The following PACC1 variants were observed in gnomAD, a reference collection of about 807,000 sequenced individuals.
PACC1 encodes proton-activated chloride channel.
A neutral mutation model predicts 39.7 loss-of-function variants in PACC1; 34 were observed. That is an observed-to-expected ratio of 0.86 (90% CI 0.65 to 1.14). PACC1 has a LOEUF of 1.14. Among genes scored for constraint, PACC1 ranks in the 50% most tolerant of loss-of-function variants. The probability of loss-of-function intolerance (pLI) is 0.00; values close to 1 mark genes in which losing one functional copy is unlikely to be tolerated. For missense variants in PACC1, 379 were observed against 436.4 expected (o/e 0.87, Z 1.17); for synonymous variants, 127 against 160.6 (o/e 0.79, Z 1.58).
At chr1:212,404,983 G>A (rs1661855935) in intron 2 of PACC1, among the ~76,000 whole-genome samples, 1 of 152,124 alleles carries the variant, frequency 6.6e-6, no homozygotes, top group Non-Finnish European at 1.5e-5. Context: ...ACGCTGGCCA[G>A]GCTGGTCTCG....
intron 2 of PACC1, among the ~76,000 whole-genome samples, chr1:212,403,160 T>C (rs1661777770): frequency 6.6e-6 from 1 of 152,250 alleles, no homozygotes; most frequent in African/African-American, 2.4e-5. Context: ...TAATTGGTTC[T>C]GATTCACTTG....
intron 2 of PACC1, among the ~76,000 whole-genome samples, chr1:212,393,923 T>G (rs1485122455): frequency 7.9e-5 from 12 of 151,680 alleles, no homozygotes; most frequent in Non-Finnish European, 1.8e-4. Context: ...AATAACAGGC[T>G]CTGAAATTGA....
chr1:212,375,060 T>TA, intron 7 of PACC1, 133 bp downstream of exon 7: 1 of 609,100 alleles, frequency 1.6e-6, no homozygotes, highest in Non-Finnish European at 2.9e-6. Context: ...GACAGGTAGG[T>TA]AGACTTATCA....
intron 3 of PACC1, 118 bp from the exon 4 acceptor site, chr1:212,385,543 G>C: frequency 1.8e-6 from 2 of 1,115,416 alleles, no homozygotes; most frequent in Non-Finnish European, 2.6e-6. Flanking sequence ...CTGCAGGGAA[G>C]GGAGAAGAAA....
In PACC1 at chr1:212,385,298, C is replaced by T. The variant is rs772407880; in HGVS notation, c.471G>A (p.Thr157=). Residue 157 remains threonine (T), a synonymous_variant, in exon 4 of 8, where the codon ACG becomes ACA. Transcript: ENST00000261455. ...MNCTTQRINY[T]DPFSNQTVKS... Reference sequence around the variant, plus strand: ...CCACAGTCTGATTGGAGAAGGGGTCCGTGTAGTTGATCCTCTGGGTGGTGC... The same window carrying T: ...CCACAGTCTGATTGGAGAAGGGGTCTGTGTAGTTGATCCTCTGGGTGGTGC... 58 of 1,613,848 alleles carry T rather than the reference C, an allele frequency of 3.6e-5. No individual in the cohort carries two copies. Among genetic ancestry groups the T allele is most frequent in the Non-Finnish European group, 4.7e-5 (55 of 1,179,992 alleles).
chr1:212,385,425 C>G lies in PACC1; in HGVS notation c.344G>C (p.Gly115Ala), dbSNP rs772948888. ...GGCCTGACCGGGGTACAAGGCAATA[C>G]CTGGGGGCACAAACAGGAAAAGCAA... ...YKEVDRYDAP[G>A]IALYPGQAQL... is the part of the protein sequence containing the mutation. Residue 115 changes from glycine to alanine, a missense_variant and splice_region_variant, in exon 4 of 8, where the codon GGT becomes GCT. By Grantham distance (60) the Gly-to-Ala change is moderately conservative. Coordinates refer to ENST00000261455, the MANE Select transcript of PACC1 (RefSeq NM_018252.3). The G allele has an allele frequency of 1.1e-5, 18 of 1,613,888 alleles. No homozygotes were observed. Among genetic ancestry groups the G allele is most frequent in the Non-Finnish European group, 1.4e-5 (17 of 1,179,968 alleles).
At chr1:212,369,596 C>T (rs991203470) in intron 7 of PACC1, among the ~76,000 whole-genome samples, 1 of 152,082 alleles carries the variant, frequency 6.6e-6, no homozygotes, top group Admixed American at 6.6e-5. Flanking sequence ...GCCTGGTCAA[C>T]ATGGCAAAAC....
chr1:212,389,321 C>A (rs1558174318), intron 2 of PACC1, among the ~76,000 whole-genome samples: 1 of 152,110 alleles, frequency 6.6e-6, no homozygotes, highest in Non-Finnish European at 1.5e-5. Flanking sequence ...CTGGAGAACC[C>A]AGGGGGGGCC....
intron 4 of PACC1, among the ~76,000 whole-genome samples, chr1:212,383,800 C>A (rs1157246675): frequency 6.6e-6 from 1 of 152,170 alleles, no homozygotes; most frequent in Non-Finnish European, 1.5e-5. Flanking sequence ...AGAGTCCTTT[C>A]CTTTAGTTCT....
intron 7 of PACC1, 32 bp from the exon 8 acceptor site, chr1:212,365,408 T>C (rs1446511819): frequency 6.5e-7 from 1 of 1,533,896 alleles, no homozygotes; most frequent in Non-Finnish European, 8.8e-7. Context: ...ACAGGATTAC[T>C]GGTTTGCTTC....
At chr1:212,406,981 A>G (rs1373112570) in intron 2 of PACC1, among the ~76,000 whole-genome samples, 1 of 152,180 alleles carries the variant, frequency 6.6e-6, no homozygotes, top group Non-Finnish European at 1.5e-5. Context: ...GCAAGAGGGT[A>G]GTGCAAGGTG....
At position 212,413,959 on chromosome 1, in the gene PACC1, T is replaced by C. The variant is rs113177360; in HGVS notation, c.36+763A>G. On this transcript the variant is annotated intron_variant, in intron 1 of 7. Coordinates refer to ENST00000261455, the MANE Select transcript of PACC1 (RefSeq NM_018252.3). ...ATGGAGGGGCACAGAAGAGGACGGT[T>C]GCCAAAGATGACCAAGGTTTGGGGG... The C allele has an allele frequency of 9.1e-6, 14 of 1,535,606 alleles. 1 individual carries two copies. In the African/African-American group the frequency reaches 1.1e-4, roughly 12 times the overall value.
intron 4 of PACC1, among the ~76,000 whole-genome samples, chr1:212,382,326 G>A (rs2884466): frequency 0.17 from 25,253 of 151,958 alleles, 2,542 homozygotes; most frequent in South Asian, 0.3. Context: ...ACAGGCATGA[G>A]CCACCACGCC....
Position 212,379,996 on chromosome 1 carries a change from CT to C in PACC1, c.536del (p.Lys179SerfsTer11), listed in dbSNP as rs1660818488. The C allele has an allele frequency of 6.2e-7, 1 of 1,614,078 alleles. No individual in the cohort carries two copies. The highest frequency in any genetic ancestry group is 1.3e-5 in the African/African-American group (1 of 74,932). ...GGAACTGGAGGAAGACCAGCTCCCGCTTTTTCACTTCCCGGGGCCCCTGGAC... is the reference window on the plus strand; with the variant it reads ...GGAACTGGAGGAAGACCAGCTCCCGCTTTTCACTTCCCGGGGCCCCTGGAC... The part of the protein sequence containing the change: ...LIVQGPREVK[K>X]RELVFLQFRL... On this transcript the variant is annotated frameshift_variant, in exon 5 of 8. Coordinates refer to ENST00000261455, the MANE Select transcript of PACC1 (RefSeq NM_018252.3). LOFTEE classifies it high-confidence loss of function.
At chr1:212,379,191 C>T (rs190225943) in intron 5 of PACC1, among the ~76,000 whole-genome samples, 193 of 152,258 alleles carry the variant, frequency 1.3e-3, no homozygotes, top group African/African-American at 4.3e-3. Context: ...GATCCGCCCA[C>T]CTTGGCCTCC....
intron 2 of PACC1, among the ~76,000 whole-genome samples, chr1:212,395,727 C>A (rs1186349917): frequency 6.6e-6 from 1 of 150,968 alleles, no homozygotes; most frequent in African/African-American, 2.4e-5. Flanking sequence ...CAAAGAACTC[C>A]AACACATTTA....
intron 2 of PACC1, among the ~76,000 whole-genome samples, chr1:212,407,566 A>G (rs1005066390): frequency 1.1e-4 from 16 of 152,210 alleles, no homozygotes; most frequent in East Asian, 1.9e-4. Context: ...CTCATGTCAG[A>G]GGGAGGATTA....
At chr1:212,397,517 A>G (rs1016940372) in intron 2 of PACC1, among the ~76,000 whole-genome samples, 1 of 152,230 alleles carries the variant, frequency 6.6e-6, no homozygotes, top group Non-Finnish European at 1.5e-5. Flanking sequence ...TCAGCACAGA[A>G]CTATCAAAGT....
At chr1:212,412,068 G>T (rs1260043619) in intron 1 of PACC1, among the ~76,000 whole-genome samples, 2 of 151,952 alleles carry the variant, frequency 1.3e-5, no homozygotes, top group Non-Finnish European at 2.9e-5. Context: ...TTGAACCCGG[G>T]AGGCGGAGGT....
Sources: allele counts gnomAD v4.1 joint callset (sites outside exome capture counted in the v4.1 genomes callset), GRCh38; gene constraint gnomAD v4.1.1; transcripts MANE v1.5; gene names NCBI Gene and HGNC (gene_info 2026-07-23, HGNC 2026-07-21).